The following RCAN2 variants were observed in gnomAD, a reference collection of about 807,000 sequenced individuals.
The protein encoded by RCAN2 is calcipressin-2.
A neutral mutation model predicts 23.6 loss-of-function variants in RCAN2; 9 were observed. That is an observed-to-expected ratio of 0.38 (90% CI 0.23 to 0.67). RCAN2 has a LOEUF of 0.67. RCAN2 is among the 30% of genes least tolerant of loss of function. The pLI, the probability that RCAN2 is intolerant of heterozygous loss-of-function variation, is 0.51. For missense variants in RCAN2, 273 were observed against 302.3 expected, an observed-to-expected ratio of 0.90 and a Z score of 0.72; for synonymous variants, 109 against 115.7, an observed-to-expected ratio of 0.94 and a Z score of 0.37.
At chr6:46,432,926 G>A (rs915336632) in intron 2 of RCAN2, among the ~76,000 whole-genome samples, 1 of 151,978 alleles carries the variant, frequency 6.6e-6, no homozygotes, top group Non-Finnish European at 1.5e-5. Flanking sequence ...GAATGTTTTT[G>A]GAAACATTTT....
Position 46,221,578 on chromosome 6 carries a change from C to T in RCAN2, c.*1563G>A, listed in dbSNP as rs1320111172. The T allele has an allele frequency of 5.0e-6, 1 of 200,066 alleles. No individual in the cohort carries two copies. The highest frequency in any genetic ancestry group is 2.3e-5 in the African/African-American group (1 of 43,348). 12.4% of individuals were successfully genotyped at this position (200,066 alleles called of 1,614,324 possible). A position where few individuals can be genotyped will look rare whatever the true frequency, so the allele number is the denominator to read the frequency against. On this transcript the variant is annotated 3_prime_UTR_variant, in exon 5 of 5. Coordinates refer to ENST00000371374, the MANE Select transcript of RCAN2 (RefSeq NM_001251974.2). Reference sequence around the variant, plus strand: ...AGTTTCACCAGTACTGTGTCCAGTACTATATTGCTATATTCACAGTAAAAC... The same window carrying T: ...AGTTTCACCAGTACTGTGTCCAGTATTATATTGCTATATTCACAGTAAAAC...
At chr6:46,306,515 G>C (rs1763073596) in intron 2 of RCAN2, among the ~76,000 whole-genome samples, 1 of 152,192 alleles carries the variant, frequency 6.6e-6, no homozygotes, top group Non-Finnish European at 1.5e-5. Context: ...GAGAGATGAG[G>C]AGGGCAGTGA....
chr6:46,356,672 A>T (rs1037221691), intron 2 of RCAN2, among the ~76,000 whole-genome samples: 2 of 152,148 alleles, frequency 1.3e-5, no homozygotes, highest in African/African-American at 2.4e-5. Context: ...GTGATGCCCA[A>T]TTTCATTGAT....
chr6:46,414,398 G>A (rs1350686022), intron 2 of RCAN2, among the ~76,000 whole-genome samples: 4 of 152,152 alleles, frequency 2.6e-5, no homozygotes, highest in Non-Finnish European at 4.4e-5. Context: ...AAATGACAGA[G>A]GACTTCTTAG....
intron 2 of RCAN2, among the ~76,000 whole-genome samples, chr6:46,451,807 A>C (rs947256799): frequency 6.6e-6 from 1 of 152,200 alleles, no homozygotes; most frequent in Non-Finnish European, 1.5e-5. Context: ...AGACACACAA[A>C]GACTAAGAGA....
At chr6:46,387,751 G>A (rs1268390393) in intron 2 of RCAN2, among the ~76,000 whole-genome samples, 2 of 152,110 alleles carry the variant, frequency 1.3e-5, no homozygotes, top group Non-Finnish European at 2.9e-5. Flanking sequence ...TCCCATTATT[G>A]GGTATATACC....
At chr6:46,472,438 T>A (rs762580947) in intron 1 of RCAN2, among the ~76,000 whole-genome samples, 3 of 152,132 alleles carry the variant, frequency 2.0e-5, no homozygotes, top group Non-Finnish European at 4.4e-5. Flanking sequence ...TGAGCAATAG[T>A]CCCTTTGTAG....
At chr6:46,258,715 A>G (rs1185724101) in intron 2 of RCAN2, among the ~76,000 whole-genome samples, 1 of 152,164 alleles carries the variant, frequency 6.6e-6, no homozygotes, top group East Asian at 1.9e-4. Context: ...CCTAAAGTTC[A>G]CTGTGGCTGA....
At chr6:46,303,150 T>C (rs544629091) in intron 2 of RCAN2, among the ~76,000 whole-genome samples, 1 of 152,132 alleles carries the variant, frequency 6.6e-6, no homozygotes, top group South Asian at 2.1e-4. Flanking sequence ...CACAGAGCCC[T>C]AAATAGAATG....
intron 2 of RCAN2, among the ~76,000 whole-genome samples, chr6:46,294,496 T>G (rs559135461): frequency 6.6e-6 from 1 of 152,286 alleles, no homozygotes; most frequent in African/African-American, 2.4e-5. Context: ...AGGAAAGAGT[T>G]AAAGATTTAA....
At chr6:46,307,467 G>T (rs1003402283) in intron 2 of RCAN2, among the ~76,000 whole-genome samples, 2 of 152,036 alleles carry the variant, frequency 1.3e-5, no homozygotes, top group Admixed American at 1.3e-4. Context: ...AGGGGGTCAT[G>T]GTGGTGGCTG....
chr6:46,327,875 C>T (rs1242357443), intron 2 of RCAN2, among the ~76,000 whole-genome samples: 3 of 152,320 alleles, frequency 2.0e-5, no homozygotes, highest in South Asian at 4.1e-4. Flanking sequence ...CTCACACGGG[C>T]TGTTCCAGCA....
chr6:46,306,030 TGC>T (rs1763055560), intron 2 of RCAN2, among the ~76,000 whole-genome samples: 1 of 152,022 alleles, frequency 6.6e-6, no homozygotes, highest in South Asian at 2.1e-4. Context: ...TTATAGGCAC[TGC>T]CTGAGGCAGT....
rs535763944 is a variant in RCAN2 at position 46,431,236 on chromosome 6, G to A, written c.225+25516C>T. 2.6e-5 allele frequency among the ~76,000 whole-genome samples: 4 copies of A among 151,974 alleles called. No homozygotes were observed. In the South Asian group the frequency reaches 8.4e-4, roughly 32 times the overall value. ...AAACTATTTTTTGAGACAAGGTCTT[G>A]GCTCTGCTGCTGAGGCTGGAGTGCA... On this transcript the variant is annotated intron_variant, in intron 2 of 4. Transcript: ENST00000371374.
At chr6:46,479,390 GT>G (rs1768795939) in intron 1 of RCAN2, among the ~76,000 whole-genome samples, 1 of 152,034 alleles carries the variant, frequency 6.6e-6, no homozygotes, top group Non-Finnish European at 1.5e-5. Flanking sequence ...CCAACTAAAA[GT>G]TTTAACCAAA....
At chr6:46,343,562 A>G (rs1460531915) in intron 2 of RCAN2, among the ~76,000 whole-genome samples, 4 of 151,946 alleles carry the variant, frequency 2.6e-5, no homozygotes, top group African/African-American at 9.7e-5. Flanking sequence ...TTTTTAGTAG[A>G]GACGGGGTTT....
rs1335430582 is a variant in RCAN2, at chr6:46,336,952, C to T, written c.226-88056G>A. On this transcript the variant is annotated intron_variant, in intron 2 of 4. Transcript: ENST00000371374. ...TGAGGAGAAAAACATATTGGAAGTA[C>T]CAAAAAAAAAAAAAAGCACAGGGAG... Among the ~76,000 whole-genome samples the T allele has an allele frequency of 1.6e-3, 104 of 64,256 alleles. 1 individual carries two copies. The highest frequency in any genetic ancestry group is 3.5e-3 in the Non-Finnish European group (88 of 24,932). The allele number at this position is 64,256 out of a possible 152,430, so 42.2% of individuals were successfully genotyped here.
chr6:46,440,840 A>G lies in RCAN2; in HGVS notation c.225+15912T>C, dbSNP rs535044484. Among the ~76,000 whole-genome samples the G allele has an allele frequency of 1.8e-4, 27 of 152,316 alleles. 1 individual carries two copies. The South Asian group carries it at 5.2e-3, about 29-fold the overall frequency. On this transcript the variant is annotated intron_variant, in intron 2 of 4. Transcript: ENST00000371374. ...AAGAAAAGTATCACGTGAACCTTAT[A>G]TGGGAAACAGTGAACAAGAAGTGTC...
chr6:46,317,107 G>A (rs1207292716), intron 2 of RCAN2, among the ~76,000 whole-genome samples: 3 of 152,290 alleles, frequency 2.0e-5, no homozygotes, highest in African/African-American at 7.2e-5. Context: ...AATGCTTGGT[G>A]ACATAAGCAA....
Sources: allele counts gnomAD v4.1 joint callset (sites outside exome capture counted in the v4.1 genomes callset), GRCh38; gene constraint gnomAD v4.1.1; transcripts MANE v1.5; gene names NCBI Gene and HGNC (gene_info 2026-07-23, HGNC 2026-07-21).